Variants in ZNF469 observed in about 807,000 individuals in gnomAD.
ZNF469 encodes the protein zinc finger protein 469.
A neutral mutation model predicts 1.0 loss-of-function variants in ZNF469; 1 was observed. The observed-to-expected ratio is 1.00, with a 90% CI of 0.35 to 4.73. The LOEUF (loss-of-function observed/expected upper bound fraction) is 4.73. Ranked by LOEUF, ZNF469 falls within the 30% of genes most tolerant of loss-of-function variation. The probability of loss-of-function intolerance (pLI) is 0.16; values close to 1 mark genes in which losing one functional copy is unlikely to be tolerated. For missense variants in ZNF469, 6,100 were observed against 5,356.3 expected, an observed-to-expected ratio of 1.14 and a Z score of -4.33; for synonymous variants, 2,703 against 2,363.4, an observed-to-expected ratio of 1.14 and a Z score of -4.17.
the ZNF469 span, among the ~76,000 whole-genome samples, chr16:88,337,455 G>A: frequency 7.2e-5 from 11 of 152,196 alleles, no homozygotes; most frequent in Non-Finnish European, 1.2e-4. Context: ...AAATTACCCA[G>A]TCTCGGGTAT....
chr16:88,430,512 AGCC>A lies in ZNF469; in HGVS notation c.3049_3051del (p.Ala1017del). ...CAGACCCCGCGCCCCGGGTCCCGAG[AGCC>A]GCCGCCCTCCCCGAGGAGACCCGCA... On this transcript the variant is annotated inframe_deletion, in exon 3 of 3. Transcript: ENST00000565624. 1 of 1,425,860 alleles carries A rather than the reference AGCC, an allele frequency of 7.0e-7. No individual in the cohort carries two copies. Among genetic ancestry groups the A allele is most frequent in the Non-Finnish European group, 9.1e-7 (1 of 1,099,846 alleles). The allele number at this position is 1,425,860 out of a possible 1,614,324, so 88.3% of individuals were successfully genotyped here.
At chr16:88,405,182 A>T (rs1452716125) in intron 1 of ZNF469, among the ~76,000 whole-genome samples, 4 of 152,176 alleles carry the variant, frequency 2.6e-5, no homozygotes, top group African/African-American at 9.7e-5. Context: ...TTGCAGCCAC[A>T]GGATGGGCCA....
chr16:88,325,779 GTCCTTCCTTCCCCTCTTTC>G, the ZNF469 span, among the ~76,000 whole-genome samples: 7 of 152,202 alleles, frequency 4.6e-5, no homozygotes, highest in Admixed American at 3.3e-4. Context: ...GGCTACCCTG[GTCCTTCCTTCCCCTCTTTC>G]TCCTTCCTTC....
intron 1 of ZNF469, among the ~76,000 whole-genome samples, chr16:88,387,978 C>T (rs1904381920): frequency 6.6e-6 from 1 of 152,268 alleles, no homozygotes; most frequent in Admixed American, 6.5e-5. Context: ...CCAGCCCTCC[C>T]AGCCACACCG....
the ZNF469 span, among the ~76,000 whole-genome samples, chr16:88,243,423 G>T: frequency 6.6e-6 from 1 of 152,208 alleles, no homozygotes; most frequent in East Asian, 1.9e-4. Flanking sequence ...AGTTTCCTCA[G>T]ATTCTCCAGG....
chr16:88,152,470 C>G, the ZNF469 span, among the ~76,000 whole-genome samples: 12 of 152,142 alleles, frequency 7.9e-5, no homozygotes, highest in African/African-American at 2.7e-4. The surrounding 1 kb of genome is among the most constrained non-coding windows in gnomAD (Gnocchi z 4.2). Context: ...GCTGCCCCCG[C>G]GGTCCCAGAT....
rs769547100 is a variant in ZNF469 at position 88,427,952 on chromosome 16, C to T, written c.482C>T (p.Pro161Leu). 2 of 1,549,880 alleles carry T rather than the reference C, an allele frequency of 1.3e-6. No individual in the cohort carries two copies. The highest frequency in any genetic ancestry group is 2.7e-5 in the African/African-American group (2 of 73,022). Residue 161 changes from proline to leucine, a missense_variant, in exon 3 of 3, where the codon CCA (proline) becomes CTA (leucine). Physicochemically the swap from Pro to Leu is moderately conservative, Grantham distance 98 (BLOSUM62 -3). Coordinates refer to ENST00000565624, the MANE Select transcript of ZNF469 (RefSeq NM_001367624.2). ...DTPQGPGTGA[P>L]LRPGLPRTEA... The stretch of plus-strand genomic sequence containing the variant: ...CCCCAGGGCCCTGGGACTGGAGCTC[C>T]ACTCAGGCCGGGCCTCCCAAGGACT...
At chr16:88,144,849 T>C in the ZNF469 span, among the ~76,000 whole-genome samples, 89,558 of 139,202 alleles carry the variant, frequency 0.64, 28,966 homozygotes, top group Non-Finnish European at 0.73. Flanking sequence ...TTTGCCCCCC[T>C]TTTTTTTTTT....
At chr16:88,396,893 G>GGGGAGACCC (rs1299634401) in intron 1 of ZNF469, among the ~76,000 whole-genome samples, 1 of 147,676 alleles carries the variant, frequency 6.8e-6, no homozygotes, top group Non-Finnish European at 1.5e-5. Flanking sequence ...GGGAGGCCGG[G>GGGGAGACCC]TGGAGACCCT....
chr16:88,239,338 T>C, the ZNF469 span, among the ~76,000 whole-genome samples: 1 of 152,100 alleles, frequency 6.6e-6, no homozygotes, highest in Non-Finnish European at 1.5e-5. Flanking sequence ...ATGAAGAAGA[T>C]TCTTTAAGTT....
the ZNF469 span, among the ~76,000 whole-genome samples, chr16:88,206,246 C>T: frequency 6.6e-6 from 1 of 152,206 alleles, no homozygotes; most frequent in African/African-American, 2.4e-5. Context: ...CTTCACTTGC[C>T]GTGGTCCCGG....
intron 1 of ZNF469, among the ~76,000 whole-genome samples, chr16:88,422,187 G>T (rs1438371576): frequency 6.7e-6 from 1 of 150,146 alleles, no homozygotes; most frequent in Non-Finnish European, 1.5e-5. Flanking sequence ...AGGATGGGGG[G>T]ACGGGCACGT....
At chr16:88,220,904 C>T in the ZNF469 span, among the ~76,000 whole-genome samples, 3 of 152,200 alleles carry the variant, frequency 2.0e-5, no homozygotes, top group Admixed American at 1.3e-4. Context: ...ACTTGCTCTC[C>T]GGGTCTCAAA....
chr16:88,400,140 G>A (rs947954115), intron 1 of ZNF469, among the ~76,000 whole-genome samples: 6 of 152,236 alleles, frequency 3.9e-5, no homozygotes, highest in African/African-American at 1.4e-4. Flanking sequence ...CTGGGGAGGC[G>A]CAGAGCCAAT....
At chr16:88,216,272 G>A in the ZNF469 span, among the ~76,000 whole-genome samples, 1 of 152,232 alleles carries the variant, frequency 6.6e-6, no homozygotes, top group South Asian at 2.1e-4. Flanking sequence ...GAGGCGGGTG[G>A]ATCACGAGGT....
At chr16:88,267,459 G>A in the ZNF469 span, among the ~76,000 whole-genome samples, 1 of 152,248 alleles carries the variant, frequency 6.6e-6, no homozygotes, top group African/African-American at 2.4e-5. Flanking sequence ...GGGTCCGGGG[G>A]CCAGCTCTGC....
rs1203868819 is a variant in ZNF469, at chr16:88,432,214, C to A, written c.4744C>A (p.Arg1582Ser). 6.5e-7 allele frequency: 1 copy of A among 1,550,006 alleles called. No individual in the cohort carries two copies. The highest frequency in any genetic ancestry group is 1.2e-5 in the South Asian group (1 of 84,062). The stretch of plus-strand genomic sequence containing the variant: ...TCAGCTGCAAAGGAGCAAAGACACA[C>A]GTGGGGCCCCGAGAGAGCTTGCAGA... ...ESQLQRSKDT[R>S]GAPRELAEAE... The change falls in exon 3 of 3, where the codon CGT becomes AGT. Residue 1582 changes from arginine (R) to serine (S), a missense_variant. Coordinates refer to ENST00000565624, the MANE Select transcript of ZNF469 (RefSeq NM_001367624.2).
the ZNF469 span, among the ~76,000 whole-genome samples, chr16:88,238,461 AATAGATAGACCCTGG>A: frequency 5.4e-3 from 820 of 152,208 alleles, 9 homozygotes; most frequent in African/African-American, 0.019. Context: ...ATAGACCCTA[AATAGATAGACCCTGG>A]ATAGATAGAC....
chr16:88,391,146 C>T (rs760497409), intron 1 of ZNF469, among the ~76,000 whole-genome samples: 3 of 152,234 alleles, frequency 2.0e-5, no homozygotes, highest in Non-Finnish European at 4.4e-5. Context: ...GTGGCCAAGT[C>T]CCCCGCAGCC....
Sources: allele counts gnomAD v4.1 joint callset (sites outside exome capture counted in the v4.1 genomes callset), GRCh38; gene constraint gnomAD v4.1.1; non-coding constraint Gnocchi (gnomAD v3.1); transcripts MANE v1.5; gene names NCBI Gene and HGNC (gene_info 2026-07-23, HGNC 2026-07-21).